Variants in MACROD2 observed in about 807,000 individuals in gnomAD.
MACROD2 encodes the protein ADP-ribose glycohydrolase MACROD2.
A neutral mutation model predicts 70.4 loss-of-function variants in MACROD2; 36 were observed. The observed-to-expected ratio is 0.51, with a 90% CI of 0.39 to 0.68. MACROD2 has a LOEUF of 0.68. Among genes scored for constraint, MACROD2 ranks in the 30% least tolerant of loss-of-function variants. MACROD2 has a pLI of 0.00. For synonymous variants in MACROD2, 172 were observed against 178.8 expected (o/e 0.96, Z 0.30); for missense variants, 496 against 538.4 (o/e 0.92, Z 0.78).
chr20:13,999,779 C>T (rs1249508527), intron 1 of MACROD2, among the ~76,000 whole-genome samples: 1 of 152,196 alleles, frequency 6.6e-6, no homozygotes, highest in Non-Finnish European at 1.5e-5. Flanking sequence ...CACTTTTCCT[C>T]TTTATTCCAT....
chr20:15,375,551 G>T (rs2045550933), intron 6 of MACROD2, among the ~76,000 whole-genome samples: 1 of 152,098 alleles, frequency 6.6e-6, no homozygotes, highest in African/African-American at 2.4e-5. Context: ...AATTTGTGAG[G>T]TTATTAAAAT....
intron 8 of MACROD2, among the ~76,000 whole-genome samples, chr20:15,533,262 G>C (rs1485475916): frequency 6.6e-6 from 1 of 152,102 alleles, no homozygotes; most frequent in Non-Finnish European, 1.5e-5. Context: ...TTTTCCTTGG[G>C]AAGAACAATT....
At chr20:14,735,462 A>G (rs1217124254) in intron 5 of MACROD2, among the ~76,000 whole-genome samples, 9 of 152,168 alleles carry the variant, frequency 5.9e-5, no homozygotes, top group Non-Finnish European at 1.0e-4. Context: ...ACCCCTGATA[A>G]TGGCAAATAA....
rs1197681475 is a variant in MACROD2, at chr20:15,801,186, T to TA, written c.646-61541dup. 5.0e-3 allele frequency among the ~76,000 whole-genome samples: 444 copies of TA among 89,296 alleles called. 2 individuals carry two copies. The highest frequency in any genetic ancestry group is 0.012 in the Middle Eastern group (2 of 162). 58.6% of individuals were successfully genotyped at this position (89,296 alleles called of 152,430 possible). A position where few individuals can be genotyped will look rare whatever the true frequency, so the allele number is the denominator to read the frequency against. ...CGAGAAACACCCAAGAATGATCAATTAAAAAAAAAAAAAAAAAACGAAAAA... is the reference window on the plus strand; with the variant it reads ...CGAGAAACACCCAAGAATGATCAATTAAAAAAAAAAAAAAAAAAACGAAAAA... On this transcript the variant is annotated intron_variant, in intron 8 of 17. Coordinates refer to ENST00000684519, the MANE Select transcript of MACROD2 (RefSeq NM_001351661.2).
At chr20:14,638,115 G>A (rs749060487) in intron 4 of MACROD2, among the ~76,000 whole-genome samples, 36 of 151,564 alleles carry the variant, frequency 2.4e-4, no homozygotes, top group Non-Finnish European at 4.4e-4. Context: ...GTACATCATT[G>A]GAAATCTATA....
chr20:15,459,727 A>G (rs1011308815), intron 7 of MACROD2, among the ~76,000 whole-genome samples: 2 of 152,094 alleles, frequency 1.3e-5, no homozygotes, highest in Non-Finnish European at 2.9e-5. Context: ...CCGGGAGCCT[A>G]TGGGAACAGT....
chr20:14,466,114 T>C (rs144543902), intron 3 of MACROD2, among the ~76,000 whole-genome samples: 1,961 of 152,210 alleles, frequency 0.013, 57 homozygotes, highest in African/African-American at 0.045. Context: ...TCCTGGATAA[T>C]ATCCTGCAGA....
rs974319385 is a variant in MACROD2, at chr20:15,332,862, A to G, written c.541-98543A>G. Among the ~76,000 whole-genome samples, 8 of 151,670 alleles carry G rather than the reference A, an allele frequency of 5.3e-5. 1 individual carries two copies. Among genetic ancestry groups the G allele is most frequent in the African/African-American group, 2.0e-4 (8 of 40,998 alleles). On this transcript the variant is annotated intron_variant, in intron 6 of 17. Coordinates refer to ENST00000684519, the MANE Select transcript of MACROD2 (RefSeq NM_001351661.2). ...GCACAGCAACTCAGATCACTAGTCC[A>G]TGAAGTTAGAATGGAGGAGAAATTA... is the stretch of plus-strand genomic sequence containing the variant.
At chr20:14,011,485 T>A (rs1281397201) in intron 2 of MACROD2, among the ~76,000 whole-genome samples, 2 of 152,142 alleles carry the variant, frequency 1.3e-5, no homozygotes, top group African/African-American at 2.4e-5. Flanking sequence ...AGAGCACTTT[T>A]GTCTGCGTTA....
chr20:15,921,130 C>G (rs958655219), intron 10 of MACROD2, among the ~76,000 whole-genome samples: 3 of 152,180 alleles, frequency 2.0e-5, no homozygotes, highest in Non-Finnish European at 2.9e-5. Flanking sequence ...CAGCTGCCCC[C>G]GTAGACATGC....
chr20:15,624,358 C>T (rs1237114148), intron 8 of MACROD2, among the ~76,000 whole-genome samples: 1 of 152,190 alleles, frequency 6.6e-6, no homozygotes, highest in African/African-American at 2.4e-5. Context: ...TCTAGCAACA[C>T]CCTCACAGAC....
intron 5 of MACROD2, among the ~76,000 whole-genome samples, chr20:14,958,106 T>C (rs1281462052): frequency 1.3e-5 from 2 of 152,300 alleles, no homozygotes; most frequent in African/African-American, 4.8e-5. Context: ...GAGTCTCTTG[T>C]TGAAGTTGAA....
intron 12 of MACROD2, among the ~76,000 whole-genome samples, chr20:15,942,149 A>G (rs2147343029): frequency 6.6e-6 from 1 of 152,210 alleles, no homozygotes; most frequent in South Asian, 2.1e-4. Flanking sequence ...CCAGGAACCC[A>G]TGTTTGCTGC....
At chr20:14,215,883 G>C (rs184703924) in intron 3 of MACROD2, among the ~76,000 whole-genome samples, 1 of 152,002 alleles carries the variant, frequency 6.6e-6, no homozygotes, top group Non-Finnish European at 1.5e-5. Flanking sequence ...TTACTGATTT[G>C]AGTTCATTGG....
intron 5 of MACROD2, among the ~76,000 whole-genome samples, chr20:15,105,184 T>G (rs141656355): frequency 6.6e-6 from 1 of 152,288 alleles, no homozygotes; most frequent in East Asian, 1.9e-4. Flanking sequence ...ATGCAGGGAC[T>G]CAAATGATGT....
chr20:14,638,799 A>C (rs1369837565), intron 4 of MACROD2, among the ~76,000 whole-genome samples: 1 of 151,976 alleles, frequency 6.6e-6, no homozygotes, highest in Non-Finnish European at 1.5e-5. Context: ...AAATACAAAA[A>C]GTTAGCCAGG....
intron 4 of MACROD2, among the ~76,000 whole-genome samples, chr20:14,498,531 A>G (rs1216613520): frequency 2.0e-5 from 3 of 152,222 alleles, no homozygotes; most frequent in African/African-American, 7.2e-5. Context: ...CTGAATTACT[A>G]GAGCAATTAT....
intron 4 of MACROD2, chr20:14,547,151 G>T: frequency 4.7e-6 from 1 of 212,020 alleles, no homozygotes. Flanking sequence ...CACCAAAAAT[G>T]TGGTTCACTC....
At chr20:14,554,397 G>T (rs1223942651) in intron 4 of MACROD2, 1 of 152,180 alleles carries the variant, frequency 6.6e-6, no homozygotes, top group Non-Finnish European at 1.5e-5. Context: ...AGACAGCTAA[G>T]CGATTTGCCA....
Sources: allele counts gnomAD v4.1 joint callset (sites outside exome capture counted in the v4.1 genomes callset), GRCh38; gene constraint gnomAD v4.1.1; transcripts MANE v1.5; gene names NCBI Gene and HGNC (gene_info 2026-07-23, HGNC 2026-07-21).